Variants in FNBP1L observed in about 807,000 individuals in gnomAD.
The protein encoded by FNBP1L is formin-binding protein 1-like.
Under a neutral mutation model 91.2 loss-of-function variants are expected in FNBP1L, and 36 were observed. That is an observed-to-expected ratio of 0.39 (90% confidence interval 0.30 to 0.52). The LOEUF (loss-of-function observed/expected upper bound fraction) is 0.52, where lower values mean the gene tolerates loss of function less well. Ranked by LOEUF, FNBP1L falls within the 20% of genes least tolerant of loss-of-function variation. FNBP1L has a pLI of 0.66. For synonymous variants in FNBP1L, 242 were observed against 237.0 expected, an observed-to-expected ratio of 1.02 and a Z score of -0.19; for missense variants, 571 against 732.1, an observed-to-expected ratio of 0.78 and a Z score of 2.54.
chr1:93,483,965 G>C (rs950835724), intron 1 of FNBP1L, among the ~76,000 whole-genome samples: 1 of 152,244 alleles, frequency 6.6e-6, no homozygotes, highest in Non-Finnish European at 1.5e-5. Flanking sequence ...GTCTCTCTCT[G>C]TTGCCCAGGC....
intron 5 of FNBP1L, among the ~76,000 whole-genome samples, chr1:93,526,290 A>G (rs1404755380): frequency 2.6e-5 from 4 of 152,182 alleles, no homozygotes; most frequent in South Asian, 2.1e-4. Context: ...GAGCAGTTCC[A>G]TAGTTAGTCA....
Position 93,524,332 on chromosome 1 carries a change from T to A in FNBP1L, c.405+9T>A. The A allele has an allele frequency of 1.3e-6, 2 of 1,485,074 alleles. No homozygotes were observed. Among genetic ancestry groups the A allele is most frequent in the Non-Finnish European group, 1.8e-6 (2 of 1,116,992 alleles). The allele number at this position is 1,485,074 out of a possible 1,614,324, so 92.0% of individuals were successfully genotyped here. ...GGAAACAGATGGATAATGTGAGTTATGACATTTTCATGGTTAACATAAAAT... is the reference window on the plus strand; with the variant it reads ...GGAAACAGATGGATAATGTGAGTTAAGACATTTTCATGGTTAACATAAAAT... On this transcript the variant is annotated intron_variant, in intron 5 of 16. Transcript: ENST00000271234.
intron 7 of FNBP1L, among the ~76,000 whole-genome samples, chr1:93,531,468 G>A (rs1156299859): frequency 6.6e-6 from 1 of 152,200 alleles, no homozygotes; most frequent in Non-Finnish European, 1.5e-5. Flanking sequence ...GTTCTAGAAA[G>A]AAGAGAAATT....
chr1:93,475,682 G>A (rs544072527), intron 1 of FNBP1L, among the ~76,000 whole-genome samples: 293 of 152,286 alleles, frequency 1.9e-3, no homozygotes, highest in Non-Finnish European at 3.0e-3. Flanking sequence ...TAAATAAGCT[G>A]TAAACATAAA....
At chr1:93,548,131 A>C (rs904538326) in intron 14 of FNBP1L, among the ~76,000 whole-genome samples, 6 of 152,214 alleles carry the variant, frequency 3.9e-5, no homozygotes, top group African/African-American at 1.4e-4. Flanking sequence ...AGCACCTAGT[A>C]GTAAATAGTG....
intron 2 of FNBP1L, among the ~76,000 whole-genome samples, chr1:93,512,497 T>C (rs1201839103): frequency 2.6e-5 from 4 of 151,816 alleles, no homozygotes; most frequent in Non-Finnish European, 4.4e-5. Context: ...CCACACCTAT[T>C]CCAAAATTGA....
intron 2 of FNBP1L, among the ~76,000 whole-genome samples, chr1:93,515,523 C>T (rs909505671): frequency 1.3e-5 from 2 of 151,950 alleles, no homozygotes; most frequent in Non-Finnish European, 2.9e-5. Context: ...CCCAAATGTC[C>T]AATAATGATA....
At chr1:93,469,888 A>C (rs1051715356) in intron 1 of FNBP1L, among the ~76,000 whole-genome samples, 39 of 152,156 alleles carry the variant, frequency 2.6e-4, no homozygotes, top group African/African-American at 8.2e-4. Context: ...TGAGCCTGGG[A>C]ATTCAAGGTT....
intron 4 of FNBP1L, 148 bp from the exon 5 acceptor site, chr1:93,524,113 G>A (rs1671422489): frequency 1.9e-6 from 1 of 514,918 alleles, no homozygotes; most frequent in Non-Finnish European, 3.1e-6. Flanking sequence ...CCTAAGTCTT[G>A]GTAAAGTTAT....
At chr1:93,551,311 G>C in intron 16 of FNBP1L, 5 of 1,252,084 alleles carry the variant, frequency 4.0e-6, no homozygotes, top group Non-Finnish European at 5.0e-6. Context: ...GCACTTTACT[G>C]TTTGAGTAAC....
intron 2 of FNBP1L, among the ~76,000 whole-genome samples, chr1:93,507,105 A>ACT: frequency 2.0e-5 from 1 of 48,832 alleles, no homozygotes; most frequent in African/African-American, 1.1e-4. Flanking sequence ...ACACACACAC[A>ACT]CACTCTCTCT....
chr1:93,545,168 C>G (rs958868533), intron 12 of FNBP1L, among the ~76,000 whole-genome samples: 1 of 152,080 alleles, frequency 6.6e-6, no homozygotes, highest in African/African-American at 2.4e-5. Context: ...GTACAGCCTT[C>G]TTGTGCTTCA....
intron 2 of FNBP1L, among the ~76,000 whole-genome samples, chr1:93,507,097 ACACACACACACTCTCT>A (rs1423159483): frequency 4.3e-3 from 365 of 83,924 alleles, no homozygotes; most frequent in African/African-American, 0.013. Context: ...ACACACACAC[ACACACACACACTCTCT>A]CTCTCTCTCT....
rs1670370836 is a variant in FNBP1L, at chr1:93,499,404, GT to G, written c.25-62del. The G allele has an allele frequency of 2.6e-5, 27 of 1,056,492 alleles. 1 individual carries two copies. The South Asian group carries it at 3.8e-4, about 15-fold the overall frequency. 65.4% of individuals were successfully genotyped at this position (1,056,492 alleles called of 1,614,324 possible). Reference sequence around the variant, plus strand: ...CTTCTCTGTACAAATACCAGAAGCTGTTAAAAATATCTGTGGATAAAATTTT... The same window carrying G: ...CTTCTCTGTACAAATACCAGAAGCTGTAAAAATATCTGTGGATAAAATTTT... On this transcript the variant is annotated intron_variant, in intron 1 of 16. Transcript: ENST00000271234.
chr1:93,539,386 G>A (rs1432940563), intron 10 of FNBP1L, among the ~76,000 whole-genome samples: 1 of 151,746 alleles, frequency 6.6e-6, no homozygotes, highest in Non-Finnish European at 1.5e-5. Context: ...TATGGAACAT[G>A]TATTACTTTA....
At chr1:93,547,988 C>T (rs1428588633) in intron 14 of FNBP1L, among the ~76,000 whole-genome samples, 1 of 152,138 alleles carries the variant, frequency 6.6e-6, no homozygotes, top group Non-Finnish European at 1.5e-5. Flanking sequence ...TCTTAGTTTT[C>T]TACTTAATTA....
chr1:93,503,165 T>C (rs1241217093), intron 2 of FNBP1L, among the ~76,000 whole-genome samples: 1 of 152,178 alleles, frequency 6.6e-6, no homozygotes, highest in African/African-American at 2.4e-5. Context: ...AGAGGTTTAA[T>C]TGACTCACAG....
chr1:93,498,005 A>AT (rs1670325595), intron 1 of FNBP1L, among the ~76,000 whole-genome samples: 1 of 152,018 alleles, frequency 6.6e-6, no homozygotes, highest in Non-Finnish European at 1.5e-5. Context: ...TGTTCATTTC[A>AT]TTTTCATCTC....
intron 1 of FNBP1L, among the ~76,000 whole-genome samples, chr1:93,453,149 T>G (rs1668550602): frequency 6.6e-6 from 1 of 152,240 alleles, no homozygotes; most frequent in African/African-American, 2.4e-5. Context: ...TATTCAAATC[T>G]TAGGGAAATT....
Sources: gnomAD v4.1 joint callset for allele counts (sites outside exome capture counted in the v4.1 genomes callset) on GRCh38, gnomAD v4.1.1 for gene constraint, MANE v1.5 for transcripts, NCBI Gene and HGNC (gene_info 2026-07-23, HGNC 2026-07-21) for gene names.